Variants in SCFD2 observed in about 807,000 individuals in gnomAD.
SCFD2 encodes the protein sec1 family domain containing 2, also known as sec1 family domain-containing protein 2.
A neutral mutation model predicts 58.9 loss-of-function variants in SCFD2; 54 were observed. The observed-to-expected ratio is 0.92, with a 90% confidence interval of 0.74 to 1.15. The LOEUF is 1.15. Among genes scored for constraint, SCFD2 ranks in the 50% most tolerant of loss-of-function variants. SCFD2 has a pLI of 0.00. For missense variants in SCFD2, 805 were observed against 836.6 expected (o/e 0.96, Z 0.47); for synonymous variants, 321 against 335.9 (o/e 0.96, Z 0.49).
chr4:53,121,448 A>G (rs2148892241), intron 5 of SCFD2, among the ~76,000 whole-genome samples: 1 of 152,314 alleles, frequency 6.6e-6, no homozygotes, highest in South Asian at 2.1e-4. Context: ...GAAAGTTATC[A>G]CAAACACTGA....
At chr4:53,252,337 C>T (rs1213077286) in intron 4 of SCFD2, among the ~76,000 whole-genome samples, 3 of 150,500 alleles carry the variant, frequency 2.0e-5, no homozygotes, top group Non-Finnish European at 4.4e-5. Flanking sequence ...TCAGTGCCAT[C>T]CCCATCAAGC....
rs754877324 is a variant in SCFD2 at position 52,885,868 on chromosome 4, T to A, written c.1843-2A>T. ...GTCACTAGGATGAGGCCGGCTCACC[T>A]GCAAAACAAAACACCAGCAATATCA... On this transcript the variant is annotated splice_acceptor_variant, in intron 7 of 8. Coordinates refer to ENST00000401642, the MANE Select transcript of SCFD2 (RefSeq NM_152540.4). LOFTEE classifies it high-confidence loss of function. 3.2e-5 allele frequency: 52 copies of A among 1,613,938 alleles called. No homozygotes were observed. Among genetic ancestry groups the A allele is most frequent in the Non-Finnish European group, 4.3e-5 (51 of 1,179,868 alleles).
At chr4:53,089,342 C>T (rs906063381) in intron 5 of SCFD2, among the ~76,000 whole-genome samples, 3 of 152,062 alleles carry the variant, frequency 2.0e-5, no homozygotes, top group East Asian at 1.9e-4. Context: ...ATTGCCTTTT[C>T]GCTTTATTGC....
At chr4:53,335,757 A>G (rs981775307) in intron 2 of SCFD2, among the ~76,000 whole-genome samples, 1 of 152,206 alleles carries the variant, frequency 6.6e-6, no homozygotes, top group African/African-American at 2.4e-5. Context: ...AAAAATACCA[A>G]GCAGCTAAAA....
chr4:53,096,766 G>A (rs1000455264), intron 5 of SCFD2, among the ~76,000 whole-genome samples: 2 of 152,164 alleles, frequency 1.3e-5, no homozygotes, highest in Non-Finnish European at 1.5e-5. Flanking sequence ...TGCTTTTGGT[G>A]TTTTAGTCAG....
intron 4 of SCFD2, among the ~76,000 whole-genome samples, chr4:53,191,342 TTGAG>T (rs1727886218): frequency 6.6e-6 from 1 of 152,070 alleles, no homozygotes; most frequent in Non-Finnish European, 1.5e-5. Flanking sequence ...AACATAACAT[TTGAG>T]TGATATTCAT....
chr4:52,923,936 G>A (rs1233390756), intron 5 of SCFD2, among the ~76,000 whole-genome samples: 1 of 152,158 alleles, frequency 6.6e-6, no homozygotes, highest in African/African-American at 2.4e-5. Flanking sequence ...AGCCATTTAA[G>A]ATGTGAGAAA....
intron 5 of SCFD2, among the ~76,000 whole-genome samples, chr4:52,939,192 A>T (rs1720223499): frequency 6.6e-6 from 1 of 152,232 alleles, no homozygotes; most frequent in Non-Finnish European, 1.5e-5. Flanking sequence ...CTAGGTGAAA[A>T]AGAAAATGAA....
intron 1 of SCFD2, among the ~76,000 whole-genome samples, chr4:53,361,682 G>A (rs183265798): frequency 3.9e-5 from 6 of 152,082 alleles, no homozygotes; most frequent in African/African-American, 1.4e-4. Flanking sequence ...CACCACACCC[G>A]GTAAGAAGTG....
At chr4:53,036,201 C>T (rs1722755146) in intron 5 of SCFD2, among the ~76,000 whole-genome samples, 1 of 151,716 alleles carries the variant, frequency 6.6e-6, no homozygotes, top group Admixed American at 6.6e-5. Context: ...TAATGCTATC[C>T]CTCCCCCAGC....
At chr4:53,235,415 T>C (rs1400814582) in intron 4 of SCFD2, among the ~76,000 whole-genome samples, 1 of 152,178 alleles carries the variant, frequency 6.6e-6, no homozygotes, top group Non-Finnish European at 1.5e-5. Context: ...TTCCCATGAG[T>C]GGGAAGTTAT....
At chr4:52,947,460 T>C (rs1428968333) in intron 5 of SCFD2, among the ~76,000 whole-genome samples, 1 of 152,224 alleles carries the variant, frequency 6.6e-6, no homozygotes, top group Admixed American at 6.5e-5. Flanking sequence ...ACAAATTGAT[T>C]CTAAGACACC....
chr4:53,137,602 A>T (rs955869212), intron 5 of SCFD2, among the ~76,000 whole-genome samples: 15 of 152,224 alleles, frequency 9.9e-5, no homozygotes, highest in Non-Finnish European at 2.2e-4. Context: ...TCATGCCTCT[A>T]TCATGAACCA....
At chr4:53,258,621 G>A (rs1468064607) in intron 4 of SCFD2, among the ~76,000 whole-genome samples, 1 of 144,618 alleles carries the variant, frequency 6.9e-6, no homozygotes, top group Non-Finnish European at 1.5e-5. Flanking sequence ...TCCACCCATT[G>A]ATTGATGGGC....
At chr4:53,338,362 G>A (rs1560455051) in intron 2 of SCFD2, among the ~76,000 whole-genome samples, 1 of 151,966 alleles carries the variant, frequency 6.6e-6, no homozygotes, top group Non-Finnish European at 1.5e-5. Context: ...TAAACCTACA[G>A]ATGCAATACA....
chr4:52,894,948 T>C (rs774553505), intron 7 of SCFD2, among the ~76,000 whole-genome samples: 1 of 152,230 alleles, frequency 6.6e-6, no homozygotes, highest in Non-Finnish European at 1.5e-5. Flanking sequence ...TATGGAAGAA[T>C]AGCAAACAGG....
chr4:53,174,418 A>C (rs1350836440), intron 4 of SCFD2, among the ~76,000 whole-genome samples: 1 of 152,208 alleles, frequency 6.6e-6, no homozygotes. Context: ...ATATATATAC[A>C]TACACATCTG....
Position 53,048,477 on chromosome 4 carries a change from T to C in SCFD2, c.1561+96856A>G, listed in dbSNP as rs547294502. On this transcript the variant is annotated intron_variant, in intron 5 of 8. Transcript: ENST00000401642. ...GATACTAGGTGTAGTGGCTCATGCC[T>C]GTAATCCCAGCATTTTGGGAGGCTG... Among the ~76,000 whole-genome samples the C allele has an allele frequency of 2.0e-5, 3 of 152,336 alleles. No homozygotes were observed. The South Asian group carries it at 6.2e-4, about 32-fold the overall frequency.
At chr4:53,139,575 C>T (rs895907717) in intron 5 of SCFD2, among the ~76,000 whole-genome samples, 14 of 151,484 alleles carry the variant, frequency 9.2e-5, no homozygotes, top group Admixed American at 9.2e-4. Flanking sequence ...GGCAGCCGCC[C>T]CGTCCGGGAG....
Sources: allele counts gnomAD v4.1 joint callset (sites outside exome capture counted in the v4.1 genomes callset), GRCh38; gene constraint gnomAD v4.1.1; transcripts MANE v1.5; gene names NCBI Gene and HGNC (gene_info 2026-07-23, HGNC 2026-07-21).